The following DNAH3 variants were observed in gnomAD, a reference collection of about 807,000 sequenced individuals.
DNAH3 encodes the protein dynein axonemal heavy chain 3.
In DNAH3, 332 loss-of-function variants were observed where a neutral mutation model predicts 432.5. The observed-to-expected ratio is 0.77, with a 90% confidence interval of 0.70 to 0.84. The LOEUF (loss-of-function observed/expected upper bound fraction) is 0.84, where lower values mean the gene tolerates loss of function less well. DNAH3 is among the 40% of genes least tolerant of loss of function. The pLI, the probability that DNAH3 is intolerant of heterozygous loss-of-function variation, is 0.00. For missense variants in DNAH3, 4,861 were observed against 5,114.0 expected (o/e 0.95, Z 1.51); for synonymous variants, 1,956 against 1,900.2 (o/e 1.03, Z -0.76).
intron 32 of DNAH3, 88 bp downstream of exon 32, chr16:21,041,939 C>T (rs918622886): frequency 1.0e-5 from 15 of 1,504,756 alleles, no homozygotes; most frequent in Non-Finnish European, 1.3e-5. Flanking sequence ...TCCCAAAGTG[C>T]TGGGATTATA....
chr16:20,965,512 A>AAAAAAC lies in DNAH3; in HGVS notation c.8459-93_8459-88dup, dbSNP rs1306678449. ...GCAGTGGTTACTGCTGGTATTTGAG[A>AAAAAAC]AAAAACAAAAACAAAAACATGGTCT... is the stretch of plus-strand genomic sequence containing the variant. On this transcript the variant is annotated intron_variant, in intron 52 of 61. Coordinates refer to ENST00000261383, the Ensembl canonical transcript of DNAH3. 5 of 1,197,264 alleles carry AAAAAAC rather than the reference A, an allele frequency of 4.2e-6. No individual in the cohort carries two copies. In the East Asian group the frequency reaches 7.3e-5, roughly 18 times the overall value. The allele number at this position is 1,197,264 out of a possible 1,614,324, so 74.2% of individuals were successfully genotyped here.
intron 41 of DNAH3, among the ~76,000 whole-genome samples, chr16:21,013,447 G>A (rs922690828): frequency 1.3e-5 from 2 of 151,984 alleles, no homozygotes; most frequent in Non-Finnish European, 2.9e-5. Context: ...GAGGCTGGGC[G>A]CAGTGGCTCA....
chr16:21,067,347 G>C, exon 24 of DNAH3: 3 of 1,614,080 alleles, frequency 1.9e-6, no homozygotes, highest in Non-Finnish European at 2.5e-6. Context: ...TCCTCCAAGA[G>C]AAAGTTGGCT....
intron 49 of DNAH3, among the ~76,000 whole-genome samples, chr16:20,980,280 T>C (rs954611058): frequency 7.3e-6 from 1 of 136,734 alleles, no homozygotes; most frequent in Admixed American, 7.4e-5. Flanking sequence ...ATATACATCA[T>C]ATATTATAAT....
chr16:20,960,984 G>A (rs1156392883), intron 53 of DNAH3, among the ~76,000 whole-genome samples: 5 of 152,056 alleles, frequency 3.3e-5, no homozygotes, highest in Non-Finnish European at 7.3e-5. Flanking sequence ...CACATGCAAA[G>A]TTGTTCTGTA....
intron 48 of DNAH3, 142 bp from the exon 49 acceptor site, chr16:20,983,028 CATA>C (rs1447998895): frequency 6.4e-6 from 5 of 787,148 alleles, no homozygotes; most frequent in Non-Finnish European, 1.0e-5. Context: ...TGTCAATGGC[CATA>C]ATGAGTGCCT....
rs374979920 is a variant in DNAH3 at position 21,035,624 on chromosome 16, G to A, written c.5085+1090C>T. ...GGTGGTGAGTACATGAATGTTCTGC[G>A]TACGTTTCGTTCAATTTTTCTGCAT... On this transcript the variant is annotated intron_variant, in intron 35 of 61. Coordinates refer to ENST00000261383, the Ensembl canonical transcript of DNAH3. 1.5e-3 allele frequency among the ~76,000 whole-genome samples: 221 copies of A among 152,096 alleles called. 8 individuals carry two copies. The South Asian group carries it at 0.044, about 30-fold the overall frequency.
At chr16:21,037,015 A>G (rs905588262) in intron 34 of DNAH3, among the ~76,000 whole-genome samples, 167 bp from the exon 35 acceptor site, 3 of 152,240 alleles carry the variant, frequency 2.0e-5, no homozygotes, top group African/African-American at 4.8e-5. Context: ...AATGCTATTT[A>G]TAAAACATAA....
chr16:20,970,024 C>T (rs1447265592), intron 51 of DNAH3, 34 bp from the exon 52 acceptor site: 4 of 1,603,790 alleles, frequency 2.5e-6, no homozygotes, highest in African/African-American at 1.3e-5. Context: ...GAGATGAGTG[C>T]CCAGGGCCTG....
At chr16:21,123,579 A>G (rs990450531) in intron 9 of DNAH3, among the ~76,000 whole-genome samples, 1 of 152,192 alleles carries the variant, frequency 6.6e-6, no homozygotes, top group African/African-American at 2.4e-5. Flanking sequence ...ACTGGTTTCT[A>G]TATTTTTGAG....
intron 16 of DNAH3, 104 bp from the exon 17 acceptor site, chr16:21,098,873 G>T: frequency 8.6e-7 from 1 of 1,160,362 alleles, no homozygotes; most frequent in Non-Finnish European, 1.2e-6. Context: ...AATTTGATCA[G>T]TTACCTGCAG....
rs148117589 is a variant in DNAH3 at position 21,145,316 on chromosome 16, C to A, written c.313G>T (p.Gly105Ter). ...TTGTTGGCGATGGAATCACTGGGTC[C>A]ACGGTGGTGATGCTGTTCTTTGAAG... is the stretch of plus-strand genomic sequence containing the variant. The change falls in exon 3 of 62, where the codon GGA (glycine) becomes TGA (stop). Residue 105 changes from glycine to a stop codon, truncating the protein, a stop_gained. Transcript: ENST00000261383. LOFTEE classifies it high-confidence loss of function. 8.1e-6 allele frequency: 13 copies of A among 1,614,048 alleles called. No homozygotes were observed. The African/African-American group carries it at 1.1e-4, about 13-fold the overall frequency.
At chr16:21,002,304 G>GT (rs1567618461) in intron 42 of DNAH3, among the ~76,000 whole-genome samples, 2 of 152,084 alleles carry the variant, frequency 1.3e-5, no homozygotes, top group Non-Finnish European at 2.9e-5. Context: ...AGTTGTAGGT[G>GT]TATCATTTTC....
Position 21,105,043 on chromosome 16 carries a change from G to A in DNAH3, c.2285-491C>T, listed in dbSNP as rs977236169. On this transcript the variant is annotated intron_variant, in intron 15 of 61. Transcript: ENST00000261383. ...GTTAAATGGCAGTCATGGTATCAAAGCCAAATGCCCTACCCATTTTATGAC... is the reference window on the plus strand; with the variant it reads ...GTTAAATGGCAGTCATGGTATCAAAACCAAATGCCCTACCCATTTTATGAC... Among the ~76,000 whole-genome samples the A allele has an allele frequency of 2.0e-5, 3 of 152,268 alleles. No homozygotes were observed. The East Asian group carries it at 5.8e-4, about 29-fold the overall frequency.
At chr16:20,980,125 A>G (rs954798366) in intron 49 of DNAH3, among the ~76,000 whole-genome samples, 3 of 149,422 alleles carry the variant, frequency 2.0e-5, no homozygotes, top group African/African-American at 4.9e-5. Flanking sequence ...AGGAATTCCT[A>G]AACTTTGGTA....
At chr16:21,020,551 C>T (rs549752803) in intron 40 of DNAH3, among the ~76,000 whole-genome samples, 2 of 148,774 alleles carry the variant, frequency 1.3e-5, no homozygotes, top group African/African-American at 2.5e-5. Flanking sequence ...TACAGGCACC[C>T]GCCACCTCAC....
intron 41 of DNAH3, among the ~76,000 whole-genome samples, chr16:21,010,305 A>T (rs2087529196): frequency 6.6e-6 from 1 of 152,136 alleles, no homozygotes; most frequent in African/African-American, 2.4e-5. Flanking sequence ...ATTGGTAATG[A>T]ATTGGTAAAT....
chr16:20,963,924 G>A (rs1343137874), exon 53 of DNAH3: 3 of 1,614,164 alleles, frequency 1.9e-6, no homozygotes, highest in Non-Finnish European at 2.5e-6. Context: ...AAGTCAGGGA[G>A]TACTGGTACA....
intron 31 of DNAH3, 144 bp from the exon 32 acceptor site, chr16:21,042,347 G>T: frequency 1.3e-6 from 1 of 771,482 alleles, no homozygotes; most frequent in Non-Finnish European, 2.0e-6. Context: ...AGCATGATTT[G>T]GGGTTTTGGT....
Sources: allele counts gnomAD v4.1 joint callset (sites outside exome capture counted in the v4.1 genomes callset), GRCh38; gene constraint gnomAD v4.1.1; transcripts MANE v1.5; gene names NCBI Gene and HGNC (gene_info 2026-07-23, HGNC 2026-07-21).